CSPP1: variants seen among roughly 807,000 people sequenced by gnomAD.
CSPP1 encodes the protein centrosome and spindle pole associated protein 1.
CSPP1 carries 126 observed loss-of-function variants against 164.4 expected under a neutral mutation model. The ratio of observed to expected loss-of-function variants is 0.77; its 90% confidence interval spans 0.66 to 0.89. CSPP1 has a LOEUF of 0.89. Among genes scored for constraint, CSPP1 ranks in the 40% least tolerant of loss-of-function variants. The probability of loss-of-function intolerance (pLI) is 0.00; values close to 1 mark genes in which losing one functional copy is unlikely to be tolerated. For missense variants in CSPP1, 1,395 were observed against 1,449.8 expected (o/e 0.96, Z 0.61); for synonymous variants, 472 against 476.7 (o/e 0.99, Z 0.13).
chr8:67,192,562 CTCTT>C lies in CSPP1; in HGVS notation c.3331-897_3331-894del, dbSNP rs1419725983. On this transcript the variant is annotated intron_variant, in intron 29 of 30. Transcript: ENST00000678616. ...AATTTTGATGAGGTCCAACTCATCA[CTCTT>C]TCTTGGGCTTTTGGTGTCTTAATTA... Among the ~76,000 whole-genome samples the C allele has an allele frequency of 2.6e-5, 4 of 152,260 alleles. No homozygotes were observed. In the East Asian group the frequency reaches 5.8e-4, roughly 22 times the overall value.
intron 15 of CSPP1, among the ~76,000 whole-genome samples, chr8:67,125,832 C>G (rs1224253936): frequency 6.6e-6 from 1 of 152,048 alleles, no homozygotes; most frequent in African/African-American, 2.4e-5. Flanking sequence ...ATTGTTTTCA[C>G]AATTTAATTC....
At chr8:67,165,843 A>G (rs958644107) in intron 24 of CSPP1, among the ~76,000 whole-genome samples, 1 of 152,220 alleles carries the variant, frequency 6.6e-6, no homozygotes, top group Non-Finnish European at 1.5e-5. Flanking sequence ...GACTAAATCT[A>G]GCGCACCTGC....
intron 1 of CSPP1, among the ~76,000 whole-genome samples, chr8:67,066,408 C>T (rs1585760315): frequency 6.6e-6 from 1 of 152,088 alleles, no homozygotes; most frequent in Non-Finnish European, 1.5e-5. Flanking sequence ...TCCCTTTCTT[C>T]TAAAGCTCTT....
intron 28 of CSPP1, among the ~76,000 whole-genome samples, chr8:67,181,134 C>T (rs1369862950): frequency 2.6e-5 from 4 of 151,842 alleles, no homozygotes; most frequent in Non-Finnish European, 4.4e-5. Flanking sequence ...AATTCCTGGA[C>T]TCAAGTGCTC....
At chr8:67,079,286 A>G (rs890907611) in intron 3 of CSPP1, among the ~76,000 whole-genome samples, 2 of 152,196 alleles carry the variant, frequency 1.3e-5, no homozygotes, top group African/African-American at 2.4e-5. Flanking sequence ...TTGTATGGTC[A>G]TGTATGGCAT....
intron 8 of CSPP1, among the ~76,000 whole-genome samples, chr8:67,104,732 G>A (rs1465791406): frequency 6.6e-6 from 1 of 151,434 alleles, no homozygotes; most frequent in Non-Finnish European, 1.5e-5. Flanking sequence ...CTGCCTCCTG[G>A]GTTCAAGTGA....
At position 67,149,039 on chromosome 8, in the gene CSPP1, A is replaced by G. The variant is rs563548459; in HGVS notation, c.1976-744A>G. 3.3e-5 allele frequency among the ~76,000 whole-genome samples: 5 copies of G among 152,278 alleles called. No homozygotes were observed. In the South Asian group the frequency reaches 6.2e-4, roughly 19 times the overall value. ...AATGTTGGAGTCCAAGATGTTGACC[A>G]TGGCAGTAGTCATCTGAGGCTTGAT... On this transcript the variant is annotated intron_variant, in intron 17 of 30. Transcript: ENST00000678616.
chr8:67,067,083 C>T (rs966500180), intron 1 of CSPP1, among the ~76,000 whole-genome samples: 8 of 152,188 alleles, frequency 5.3e-5, no homozygotes, highest in African/African-American at 9.7e-5. Flanking sequence ...CTACGCCAGC[C>T]TCTAGCACAA....
chr8:67,159,902 TTCTTTC>T (rs1237431625), intron 21 of CSPP1, among the ~76,000 whole-genome samples: 3 of 69,560 alleles, frequency 4.3e-5, no homozygotes, highest in Non-Finnish European at 8.0e-5. Context: ...CTTTCTTTCT[TTCTTTC>T]TTTCTTTCTT....
intron 4 of CSPP1, among the ~76,000 whole-genome samples, chr8:67,088,620 G>A (rs1339100244): frequency 3.3e-3 from 10 of 3,064 alleles, no homozygotes; most frequent in Admixed American, 0.012. Context: ...ATAGTCGGCC[G>A]GGGGCACGGC....
Position 67,158,576 on chromosome 8 carries a change from A to C in CSPP1, c.2371A>C (p.Lys791Gln). 1 of 1,601,960 alleles carries C rather than the reference A, an allele frequency of 6.2e-7. No individual in the cohort carries two copies. The highest frequency in any genetic ancestry group is 1.1e-5 in the South Asian group (1 of 88,938). ...GGAGTATGAAGAGGAACAGGAAAAG[A>C]AAAGAGAGAAAGAGGAGGAGGTACA... ...QQEYEEEQEKKREKEEEQRLK... is the reference protein window; with the variant it reads ...QQEYEEEQEKQREKEEEQRLK... The change falls in exon 20 of 31, where the codon AAA becomes CAA. Residue 791 changes from lysine to glutamine, a missense_variant. Transcript: ENST00000678616.
chr8:67,116,194 C>G, intron 13 of CSPP1, 72 bp downstream of exon 13: 1 of 1,043,470 alleles, frequency 9.6e-7, no homozygotes, highest in Non-Finnish European at 1.5e-6. Flanking sequence ...GAAGGATATA[C>G]TGAAGCGGAT....
intron 3 of CSPP1, among the ~76,000 whole-genome samples, chr8:67,077,505 G>A (rs1808209517): frequency 6.6e-6 from 1 of 151,936 alleles, no homozygotes; most frequent in Non-Finnish European, 1.5e-5. Flanking sequence ...TCAGCTAATT[G>A]TTTATATTTT....
At chr8:67,085,832 A>G (rs1353103117) in intron 3 of CSPP1, among the ~76,000 whole-genome samples, 175 bp from the exon 4 acceptor site, 2 of 152,082 alleles carry the variant, frequency 1.3e-5, no homozygotes, top group East Asian at 3.8e-4. Context: ...TTTTGATAAT[A>G]TTTTTGATTA....
chr8:67,124,219 A>C (rs191854747), intron 15 of CSPP1, among the ~76,000 whole-genome samples: 11 of 152,134 alleles, frequency 7.2e-5, no homozygotes, highest in Non-Finnish European at 1.3e-4. Context: ...TTTTATGTTA[A>C]ATATTTAATA....
chr8:67,195,238 C>G (rs183569250), intron 30 of CSPP1, 144 bp from the exon 31 acceptor site: 3 of 701,904 alleles, frequency 4.3e-6, no homozygotes, highest in Admixed American at 4.0e-5. Flanking sequence ...GTGAGTCTAA[C>G]CAAAACAAAC....
At chr8:67,145,815 GCCCAGCC>G (rs2129557040) in intron 17 of CSPP1, among the ~76,000 whole-genome samples, 1 of 152,000 alleles carries the variant, frequency 6.6e-6, no homozygotes, top group East Asian at 1.9e-4. Flanking sequence ...GAGCCACCGT[GCCCAGCC>G]CCCTTTTCTA....
intron 15 of CSPP1, among the ~76,000 whole-genome samples, chr8:67,119,145 G>T (rs1403280641): frequency 6.6e-6 from 1 of 152,016 alleles, no homozygotes; most frequent in East Asian, 1.9e-4. Flanking sequence ...TTTTGTGACT[G>T]GCTTATTTCA....
At chr8:67,105,623 A>G (rs554182175) in intron 8 of CSPP1, among the ~76,000 whole-genome samples, 2 of 152,200 alleles carry the variant, frequency 1.3e-5, no homozygotes, top group Admixed American at 1.3e-4. Flanking sequence ...ACCTCAGGCA[A>G]TCCACCCACG....
Sources: allele counts gnomAD v4.1 joint callset (sites outside exome capture counted in the v4.1 genomes callset), GRCh38; gene constraint gnomAD v4.1.1; transcripts MANE v1.5; gene names NCBI Gene and HGNC (gene_info 2026-07-23, HGNC 2026-07-21).